PDCD7: variants seen among roughly 807,000 people sequenced by gnomAD.
PDCD7 encodes programmed cell death protein 7.
In PDCD7, 40 loss-of-function variants were observed where a neutral mutation model predicts 42.1. The observed-to-expected ratio is 0.95, with a 90% CI of 0.74 to 1.24. PDCD7 has a LOEUF of 1.24. PDCD7 is among the 50% of genes most tolerant of loss of function. The pLI is 0.00. For synonymous variants in PDCD7, 299 were observed against 303.3 expected (o/e 0.99, Z 0.15); for missense variants, 644 against 662.8 (o/e 0.97, Z 0.31).
intron 1 of PDCD7, among the ~76,000 whole-genome samples, chr15:65,131,092 C>G (rs1400289573): frequency 6.6e-6 from 1 of 152,174 alleles, no homozygotes; most frequent in Admixed American, 6.5e-5. Context: ...GGCAGGCGAG[C>G]AAGTGAAGCT....
Position 65,119,395 on chromosome 15 carries a change from G to A in PDCD7, c.1315C>T (p.Pro439Ser), listed in dbSNP as rs755268302. Residue 439 changes from proline (P) to serine (S), a missense_variant, in exon 4 of 5, where the codon CCA becomes TCA. Physicochemically the swap from Pro to Ser is moderately conservative, Grantham distance 74. Coordinates refer to ENST00000204549, the MANE Select transcript of PDCD7 (RefSeq NM_005707.2). ...QYYLQAEHSL[P>S]ALIQIRHDWD... ...TCTGACCTGATCTGGATGAGCGCTGGCAGGGAGTGCTCGGCTTGGAGATAA... is the reference window on the plus strand; with the variant it reads ...TCTGACCTGATCTGGATGAGCGCTGACAGGGAGTGCTCGGCTTGGAGATAA... 1.1e-5 allele frequency: 17 copies of A among 1,613,448 alleles called. No individual in the cohort carries two copies. The highest frequency in any genetic ancestry group is 1.4e-5 in the Non-Finnish European group (17 of 1,179,552).
In PDCD7 at chr15:65,133,575, C is replaced by T; in HGVS notation, c.207G>A (p.Glu69=). Residue 69 remains glutamate (E), a synonymous_variant, in exon 1 of 5, where the codon GAG becomes GAA. Coordinates refer to ENST00000204549, the MANE Select transcript of PDCD7 (RefSeq NM_005707.2). ...CAGCGCCGCCTCCGCCGCGGGAGGC[C>T]TCCGCGGAGGCTCGGGGCTGCAGAG... ...PLALQPRASA[E]ASRGGGGAGA... is the part of the protein sequence containing the mutation. 1.6e-6 allele frequency: 2 copies of T among 1,231,556 alleles called. No homozygotes were observed. Among genetic ancestry groups the T allele is most frequent in the Non-Finnish European group, 2.0e-6 (2 of 987,408 alleles). The allele number at this position is 1,231,556 out of a possible 1,614,324, so 76.3% of individuals were successfully genotyped here. A position where few individuals can be genotyped will look rare whatever the true frequency, so the allele number is the denominator to read the frequency against.
chr15:65,133,494 C>A lies in PDCD7; in HGVS notation c.288G>T (p.Arg96=), dbSNP rs1181329295. 8.2e-7 allele frequency: 1 copy of A among 1,224,596 alleles called. No individual in the cohort carries two copies. Among genetic ancestry groups the A allele is most frequent in the Middle Eastern group, 3.1e-4 (1 of 3,176 alleles). 75.9% of individuals were successfully genotyped at this position (1,224,596 alleles called of 1,614,324 possible). A position where few individuals can be genotyped will look rare whatever the true frequency, so the allele number is the denominator to read the frequency against. The change falls in exon 1 of 5, where the codon CGG becomes CGT. Residue 96 remains arginine, a synonymous_variant. Coordinates refer to ENST00000204549, the MANE Select transcript of PDCD7 (RefSeq NM_005707.2). ...CGCCGGCGTCGGTCCCCGGGAAGGG[C>A]CGACACTGGGGCGGCGGAGGAGGCA... ...PPLPPPPPQC[R]PFPGTDAGER... is the part of the protein sequence containing the mutation.
In PDCD7 at chr15:65,126,733, G is replaced by A. The variant is rs1249034383; in HGVS notation, c.1009+2299C>T. ...TGCACCACTGCACTTCGGCTTGGGC[G>A]ACAGTGCAAGACCCTGTCTTTTAAA... On this transcript the variant is annotated intron_variant, in intron 2 of 4. Transcript: ENST00000204549. 4.1e-5 allele frequency among the ~76,000 whole-genome samples: 6 copies of A among 145,922 alleles called. No homozygotes were observed. The South Asian group carries it at 6.4e-4, about 16-fold the overall frequency.
chr15:65,122,498 A>G (rs546084912), intron 2 of PDCD7, among the ~76,000 whole-genome samples: 2 of 152,258 alleles, frequency 1.3e-5, no homozygotes, highest in East Asian at 1.9e-4. Flanking sequence ...ACATGTATGT[A>G]ATTTCCACTT....
Position 65,133,137 on chromosome 15 carries a change from C to A in PDCD7, c.645G>T (p.Leu215=). Residue 215 remains leucine, a synonymous_variant, in exon 1 of 5, where the codon CTG becomes CTT. Transcript: ENST00000204549. ...GTAGCCGCTCGGCCAGTTCCGCGCG[C>A]AGCGGCGCGGTCTGGGAGTACAGCA... is the stretch of plus-strand genomic sequence containing the variant. ...WVLLYSQTAP[L]RAELAERLQP... 5.9e-6 allele frequency: 9 copies of A among 1,535,280 alleles called. No homozygotes were observed. Among genetic ancestry groups the A allele is most frequent in the Non-Finnish European group, 7.8e-6 (9 of 1,147,470 alleles).
Position 65,133,029 on chromosome 15 carries a change from C to T in PDCD7, c.753G>A (p.Glu251=), listed in dbSNP as rs776244617. ...RVRRRRLRLR[E]RAREREAERE... ...GCTCGGCCTCGCGTTCCCGGGCCCTCTCGCGAAGCCGCAGCCGGCGGCGCC... is the reference window on the plus strand; with the variant it reads ...GCTCGGCCTCGCGTTCCCGGGCCCTTTCGCGAAGCCGCAGCCGGCGGCGCC... Residue 251 remains glutamate (E), a synonymous_variant, in exon 1 of 5, where the codon GAG becomes GAA. Coordinates refer to ENST00000204549, the MANE Select transcript of PDCD7 (RefSeq NM_005707.2). 1.9e-6 allele frequency: 3 copies of T among 1,597,574 alleles called. No homozygotes were observed. The highest frequency in any genetic ancestry group is 2.5e-6 in the Non-Finnish European group (3 of 1,177,430).
intron 2 of PDCD7, 32 bp downstream of exon 2, chr15:65,129,000 G>C (rs1388679857): frequency 1.9e-6 from 3 of 1,612,600 alleles, no homozygotes; most frequent in Non-Finnish European, 2.5e-6. Flanking sequence ...AAGGGGAAGG[G>C]AACAAGGAAA....
chr15:65,132,972 G>A lies in PDCD7; in HGVS notation c.810C>T (p.Arg270=). The A allele has an allele frequency of 1.2e-6, 2 of 1,606,012 alleles. No homozygotes were observed. Among genetic ancestry groups the A allele is most frequent in the Non-Finnish European group, 1.7e-6 (2 of 1,179,800 alleles). The change falls in exon 1 of 5, where the codon CGC becomes CGT. Residue 270 remains arginine, a synonymous_variant. Coordinates refer to ENST00000204549, the MANE Select transcript of PDCD7 (RefSeq NM_005707.2). ...CCCTCCAGCGGTCAATCTCCTGCTCGCGTTCCACTGCCCGCGCGGCCTCTG... is the reference window on the plus strand; with the variant it reads ...CCCTCCAGCGGTCAATCTCCTGCTCACGTTCCACTGCCCGCGCGGCCTCTG... ...REAEAARAVE[R]EQEIDRWRVK...
Position 65,133,695 on chromosome 15 carries a change from T to C in PDCD7, c.87A>G (p.Pro29=). ...GGAAAGCCGGGGAGGGCAGCGGCGG[T>C]GGCGGACAGCCGAAAGGAGCAGGAG... ...PPPPAPFGCP[P]PPLPSPAFPP... Residue 29 remains proline (P), a synonymous_variant, in exon 1 of 5, where the codon CCA becomes CCG. Transcript: ENST00000204549. 1.6e-6 allele frequency: 2 copies of C among 1,276,766 alleles called. No individual in the cohort carries two copies. Among genetic ancestry groups the C allele is most frequent in the Non-Finnish European group, 2.0e-6 (2 of 1,005,066 alleles). The allele number at this position is 1,276,766 out of a possible 1,614,324, so 79.1% of individuals were successfully genotyped here.
Position 65,127,538 on chromosome 15 carries a change from A to G in PDCD7, c.1009+1494T>C, listed in dbSNP as rs1249132808. Among the ~76,000 whole-genome samples the G allele has an allele frequency of 2.6e-5, 4 of 151,858 alleles. No homozygotes were observed. The South Asian group carries it at 8.3e-4, about 32-fold the overall frequency. Reference sequence around the variant, plus strand: ...ATAAGTGAGAACTCTAGCATAGCCCATAAGACAATTTGCAACGTGGTCCTG... The same window carrying G: ...ATAAGTGAGAACTCTAGCATAGCCCGTAAGACAATTTGCAACGTGGTCCTG... On this transcript the variant is annotated intron_variant, in intron 2 of 4. Transcript: ENST00000204549.
rs80205749 is a variant in PDCD7, at chr15:65,128,095, G to A, written c.1009+937C>T. ...ATATTCCAACACAACTTTCTTAAGG[G>A]TCTAAAAGAATCCCAGTTTTCATTT... On this transcript the variant is annotated intron_variant, in intron 2 of 4. Coordinates refer to ENST00000204549, the MANE Select transcript of PDCD7 (RefSeq NM_005707.2). Among the ~76,000 whole-genome samples the A allele has an allele frequency of 6.3e-3, 954 of 152,288 alleles. 9 individuals are homozygous for A. The highest frequency in any genetic ancestry group is 0.022 in the African/African-American group (896 of 41,568).
At chr15:65,131,778 A>G (rs1163659727) in intron 1 of PDCD7, among the ~76,000 whole-genome samples, 1 of 152,078 alleles carries the variant, frequency 6.6e-6, no homozygotes, top group Admixed American at 6.6e-5. Context: ...AATGCCTTAG[A>G]AAACCATCTG....
intron 1 of PDCD7, 118 bp downstream of exon 1, chr15:65,132,794 G>T: frequency 1.4e-6 from 2 of 1,446,484 alleles, no homozygotes; most frequent in Non-Finnish European, 1.9e-6. Context: ...GTTAGCTATC[G>T]CTTCATTTTG....
chr15:65,121,347 C>A (rs1203741161), intron 2 of PDCD7, among the ~76,000 whole-genome samples: 1 of 152,138 alleles, frequency 6.6e-6, no homozygotes, highest in Non-Finnish European at 1.5e-5. Context: ...ACCACCATAC[C>A]TGGCTTCGAC....
At chr15:65,128,421 A>G (rs1392856118) in intron 2 of PDCD7, among the ~76,000 whole-genome samples, 4 of 152,232 alleles carry the variant, frequency 2.6e-5, no homozygotes, top group Admixed American at 6.5e-5. Flanking sequence ...GCAAATGGAA[A>G]GCACAATTGG....
rs774721660 is a variant in PDCD7 at position 65,119,915 on chromosome 15, T to C, written c.1049A>G (p.His350Arg). The C allele has an allele frequency of 6.8e-6, 11 of 1,614,038 alleles. No individual in the cohort carries two copies. Among genetic ancestry groups the C allele is most frequent in the Non-Finnish European group, 9.3e-6 (11 of 1,180,034 alleles). The change falls in exon 3 of 5, where the codon CAT (histidine) becomes CGT (arginine). Residue 350 changes from histidine to arginine, a missense_variant. Coordinates refer to ENST00000204549, the MANE Select transcript of PDCD7 (RefSeq NM_005707.2). ...GAGTTTTCTCAGTCGCTGAAGATGA[T>C]GCGTAAAAGTCTCATCTGCTGAGGC... ...PPASADETFT[H>R]HLQRLRKLIK... is the part of the protein sequence containing the mutation.
chr15:65,132,376 A>G (rs1169446299), intron 1 of PDCD7, among the ~76,000 whole-genome samples: 1 of 148,936 alleles, frequency 6.7e-6, no homozygotes, highest in African/African-American at 2.5e-5. Flanking sequence ...CTCCGCCTCC[A>G]GAGTAGCTGG....
At chr15:65,125,559 T>C (rs1345630147) in intron 2 of PDCD7, among the ~76,000 whole-genome samples, 2 of 152,254 alleles carry the variant, frequency 1.3e-5, no homozygotes, top group East Asian at 3.8e-4. Flanking sequence ...TAATGACCGG[T>C]TGGATACTAA....
Sources: gnomAD v4.1 joint callset for allele counts (sites outside exome capture counted in the v4.1 genomes callset) on GRCh38, gnomAD v4.1.1 for gene constraint, MANE v1.5 for transcripts, NCBI Gene and HGNC (gene_info 2026-07-23, HGNC 2026-07-21) for gene names.